The following SYT2 variants were observed in gnomAD, a reference collection of about 807,000 sequenced individuals.
SYT2 encodes the protein synaptotagmin 2, also known as synaptotagmin-2.
SYT2 carries 15 observed loss-of-function variants against 39.9 expected under a neutral mutation model. That is an observed-to-expected ratio of 0.38 (90% CI 0.25 to 0.58). The LOEUF is 0.58. SYT2 is among the 20% of genes least tolerant of loss of function. The probability of loss-of-function intolerance (pLI) is 0.70; values close to 1 mark genes in which losing one functional copy is unlikely to be tolerated. For missense variants in SYT2, 389 were observed against 530.3 expected (o/e 0.73, Z 2.62); for synonymous variants, 181 against 204.5 (o/e 0.89, Z 0.98).
chr1:202,661,214 C>T (rs1268016649), intron 1 of SYT2, among the ~76,000 whole-genome samples: 1 of 151,916 alleles, frequency 6.6e-6, no homozygotes, highest in Non-Finnish European at 1.5e-5. Context: ...AGAAAAGGGC[C>T]GTGGAAGAGA....
intron 1 of SYT2, among the ~76,000 whole-genome samples, chr1:202,638,219 G>A (rs1486983674): frequency 2.0e-5 from 3 of 152,224 alleles, no homozygotes; most frequent in Non-Finnish European, 4.4e-5. Flanking sequence ...CATTCCAGCT[G>A]GGGAAAGGCT....
intron 1 of SYT2, among the ~76,000 whole-genome samples, chr1:202,610,144 A>G (rs1167350981): frequency 6.6e-6 from 1 of 152,218 alleles, no homozygotes; most frequent in East Asian, 1.9e-4. Flanking sequence ...TAAATAGGGA[A>G]TCGTTTCCCC....
intron 8 of SYT2, 48 bp from the exon 9 acceptor site, chr1:202,597,011 C>T (rs750045510): frequency 3.2e-6 from 5 of 1,548,446 alleles, no homozygotes; most frequent in Non-Finnish European, 4.4e-6. Flanking sequence ...ACGTGGGATC[C>T]CATGACCAAA....
chr1:202,638,606 C>G (rs557990625), intron 1 of SYT2, among the ~76,000 whole-genome samples: 37 of 152,334 alleles, frequency 2.4e-4, no homozygotes, highest in Non-Finnish European at 4.7e-4. Flanking sequence ...GAGGATGGTG[C>G]CTGCAAATGC....
At chr1:202,647,794 C>T (rs1025879118) in intron 1 of SYT2, among the ~76,000 whole-genome samples, 1 of 152,172 alleles carries the variant, frequency 6.6e-6, no homozygotes, top group Non-Finnish European at 1.5e-5. Flanking sequence ...ATCACTAGTG[C>T]TAAGAGAGAC....
intron 1 of SYT2, among the ~76,000 whole-genome samples, chr1:202,621,758 C>T (rs187510700): frequency 6.6e-6 from 1 of 152,338 alleles, no homozygotes; most frequent in African/African-American, 2.4e-5. Flanking sequence ...CACCTTGCCT[C>T]TCTTCTTCCC....
intron 1 of SYT2, among the ~76,000 whole-genome samples, chr1:202,648,466 G>C (rs926827407): frequency 1.3e-5 from 2 of 152,216 alleles, no homozygotes; most frequent in African/African-American, 2.4e-5. Flanking sequence ...ACAGGTGTGA[G>C]CCTGTAATTT....
chr1:202,703,638 C>T (rs1045824652), intron 1 of SYT2, among the ~76,000 whole-genome samples: 8 of 152,120 alleles, frequency 5.3e-5, no homozygotes, highest in Admixed American at 3.3e-4. Flanking sequence ...GCAGAAGGTC[C>T]GGAGGGAGCC....
chr1:202,653,356 G>A (rs1692225422), intron 1 of SYT2, among the ~76,000 whole-genome samples: 2 of 152,136 alleles, frequency 1.3e-5, no homozygotes, highest in South Asian at 4.1e-4. Flanking sequence ...AGTTCTGACT[G>A]ACTTGTCCTC....
At chr1:202,682,640 T>C (rs1245711462) in intron 1 of SYT2, among the ~76,000 whole-genome samples, 6 of 152,074 alleles carry the variant, frequency 3.9e-5, no homozygotes, top group African/African-American at 7.2e-5. Context: ...GATTCGGGCC[T>C]GGGTGAACTC....
chr1:202,661,460 C>T (rs182749736), intron 1 of SYT2, among the ~76,000 whole-genome samples: 17 of 152,304 alleles, frequency 1.1e-4, no homozygotes, highest in African/African-American at 3.8e-4. Flanking sequence ...AGCCTTGTCC[C>T]TTTGCATGAT....
At chr1:202,672,174 A>G (rs1692600709) in intron 1 of SYT2, among the ~76,000 whole-genome samples, 1 of 152,262 alleles carries the variant, frequency 6.6e-6, no homozygotes, top group South Asian at 2.1e-4. Context: ...TGATAGTTTG[A>G]AAACAATAAA....
At chr1:202,641,088 C>A (rs990843846) in intron 1 of SYT2, among the ~76,000 whole-genome samples, 4 of 152,242 alleles carry the variant, frequency 2.6e-5, no homozygotes, top group Non-Finnish European at 4.4e-5. Context: ...TATTCTCATT[C>A]TGTTTTGACT....
intron 1 of SYT2, among the ~76,000 whole-genome samples, chr1:202,692,340 G>T (rs1385015070): frequency 6.6e-6 from 1 of 152,124 alleles, no homozygotes; most frequent in African/African-American, 2.4e-5. Flanking sequence ...ACCAAGAAAG[G>T]CTGCATTTTG....
chr1:202,656,219 C>T (rs4950863), intron 1 of SYT2, among the ~76,000 whole-genome samples: 60,922 of 152,064 alleles, frequency 0.4, 13,201 homozygotes, highest in East Asian at 0.73. Context: ...CAGTCAGTCA[C>T]GGAGCATCAG....
At chr1:202,674,439 A>G (rs1428093160) in intron 1 of SYT2, among the ~76,000 whole-genome samples, 2 of 152,216 alleles carry the variant, frequency 1.3e-5, no homozygotes, top group Admixed American at 1.3e-4. Context: ...CAGTGTTAGC[A>G]TGGTCCATCT....
At chr1:202,642,817 A>G (rs1459411779) in intron 1 of SYT2, among the ~76,000 whole-genome samples, 1 of 151,990 alleles carries the variant, frequency 6.6e-6, no homozygotes, top group Non-Finnish European at 1.5e-5. Context: ...CCCCGCACCC[A>G]CTTCTCTCCG....
chr1:202,627,363 ATC>A, intron 1 of SYT2: 1 of 719,080 alleles, frequency 1.4e-6, no homozygotes, highest in Non-Finnish European at 1.7e-6. Context: ...GAGGTGGGGG[ATC>A]TCACCAGGAA....
chr1:202,640,686 GTC>G (rs750343271), intron 1 of SYT2, among the ~76,000 whole-genome samples: 26 of 151,250 alleles, frequency 1.7e-4, no homozygotes, highest in Admixed American at 3.3e-4. Context: ...AAGTCAGGCA[GTC>G]TCTCTGTTTC....
Sources: gnomAD v4.1 joint callset for allele counts (sites outside exome capture counted in the v4.1 genomes callset) on GRCh38, gnomAD v4.1.1 for gene constraint, MANE v1.5 for transcripts, NCBI Gene and HGNC (gene_info 2026-07-23, HGNC 2026-07-21) for gene names.